ATF7IP2: variants seen among roughly 807,000 people sequenced by gnomAD.
The protein encoded by ATF7IP2 is activating transcription factor 7 interacting protein 2, also known as activating transcription factor 7-interacting protein 2.
In ATF7IP2, 42 loss-of-function variants were observed where a neutral mutation model predicts 64.2. That is an observed-to-expected ratio of 0.65 (90% confidence interval 0.51 to 0.85). The LOEUF (loss-of-function observed/expected upper bound fraction) is 0.85. Ranked by LOEUF, ATF7IP2 falls within the 40% of genes least tolerant of loss-of-function variation. ATF7IP2 has a pLI of 0.00. For missense variants in ATF7IP2, 933 were observed against 784.2 expected, an observed-to-expected ratio of 1.19 and a Z score of -2.27; for synonymous variants, 308 against 272.8, an observed-to-expected ratio of 1.13 and a Z score of -1.27.
At chr16:10,481,089 A>C in intron 13 of ATF7IP2, 125 bp downstream of exon 13, 1 of 674,298 alleles carries the variant, frequency 1.5e-6, no homozygotes, top group Non-Finnish European at 2.6e-6. Context: ...TGCTGTTGTT[A>C]ATCTACTTAT....
At chr16:10,470,730 A>G (rs1043737337) in intron 9 of ATF7IP2, among the ~76,000 whole-genome samples, 1 of 151,948 alleles carries the variant, frequency 6.6e-6, no homozygotes, top group Non-Finnish European at 1.5e-5. Context: ...CTTCAGCAAG[A>G]TACATTTGCA....
At chr16:10,443,789 G>C (rs1314334754) in intron 8 of ATF7IP2, among the ~76,000 whole-genome samples, 1 of 152,152 alleles carries the variant, frequency 6.6e-6, no homozygotes, top group African/African-American at 2.4e-5. Flanking sequence ...CATAGAGACA[G>C]CCTAAGGTGG....
chr16:10,481,829 T>A lies in ATF7IP2; in HGVS notation c.1636-7T>A. ...AAAGCTATATTTTCTTACAATTGTG[T>A]TTTTAGGTTCCTGAGTCCTTTGAGC... On this transcript the variant is annotated splice_region_variant and splice_polypyrimidine_tract_variant and intron_variant, in intron 13 of 13. Transcript: ENST00000562102. 1 of 1,558,432 alleles carries A rather than the reference T, an allele frequency of 6.4e-7. No individual in the cohort carries two copies. Among genetic ancestry groups the A allele is most frequent in the Non-Finnish European group, 8.6e-7 (1 of 1,158,554 alleles).
intron 12 of ATF7IP2, among the ~76,000 whole-genome samples, chr16:10,474,961 G>A (rs2142083709): frequency 6.6e-6 from 1 of 152,246 alleles, no homozygotes; most frequent in East Asian, 1.9e-4. Flanking sequence ...GCAGGAGGAT[G>A]GCTTGAGGCC....
At chr16:10,410,747 C>T (rs915084938) in intron 1 of ATF7IP2, among the ~76,000 whole-genome samples, 1 of 152,138 alleles carries the variant, frequency 6.6e-6, no homozygotes, top group Admixed American at 6.5e-5. Context: ...CTTTAATTGC[C>T]ATGTCAATCT....
intron 9 of ATF7IP2, among the ~76,000 whole-genome samples, chr16:10,459,815 G>A (rs4780915): frequency 0.55 from 83,013 of 151,870 alleles, 22,772 homozygotes; most frequent in East Asian, 0.69. Flanking sequence ...ATTATCTACA[G>A]AATCCCTAAG....
chr16:10,388,146 C>T (rs191835818), intron 1 of ATF7IP2, among the ~76,000 whole-genome samples: 1 of 152,328 alleles, frequency 6.6e-6, no homozygotes, highest in African/African-American at 2.4e-5. Flanking sequence ...CCGCCTCTGC[C>T]TCCCAAAGTG....
chr16:10,466,185 G>A (rs1260940412), intron 9 of ATF7IP2, among the ~76,000 whole-genome samples: 1 of 152,120 alleles, frequency 6.6e-6, no homozygotes, highest in East Asian at 1.9e-4. Flanking sequence ...TTGCTATTCA[G>A]CAGTTTATTC....
intron 9 of ATF7IP2, among the ~76,000 whole-genome samples, chr16:10,462,181 T>A (rs994649926): frequency 4.6e-5 from 7 of 152,152 alleles, no homozygotes; most frequent in Admixed American, 3.9e-4. Context: ...CTTTGTTTAC[T>A]GTTTTCCCCA....
intron 12 of ATF7IP2, among the ~76,000 whole-genome samples, chr16:10,475,494 A>G (rs1445435597): frequency 6.6e-6 from 1 of 152,130 alleles, no homozygotes; most frequent in Non-Finnish European, 1.5e-5. Flanking sequence ...GATCAAGACT[A>G]TCCTGGCTAA....
intron 13 of ATF7IP2, 34 bp from the exon 14 acceptor site, chr16:10,481,802 T>C: frequency 6.6e-7 from 1 of 1,524,622 alleles, no homozygotes; most frequent in Non-Finnish European, 8.8e-7. Context: ...TTGACCACTT[T>C]AAAAGCTATA....
At chr16:10,452,652 C>T (rs530982954) in intron 8 of ATF7IP2, among the ~76,000 whole-genome samples, 98 of 152,334 alleles carry the variant, frequency 6.4e-4, no homozygotes, top group Middle Eastern at 3.4e-3. Context: ...ATCCACTGAT[C>T]TGCTGCTCTC....
intron 3 of ATF7IP2, among the ~76,000 whole-genome samples, chr16:10,424,367 T>G (rs970791941): frequency 2.0e-5 from 3 of 152,184 alleles, no homozygotes; most frequent in Non-Finnish European, 2.9e-5. Flanking sequence ...AAGCAAAACT[T>G]AACTGAAAAT....
intron 9 of ATF7IP2, among the ~76,000 whole-genome samples, chr16:10,463,128 T>C (rs1202599625): frequency 1.3e-5 from 2 of 152,206 alleles, no homozygotes; most frequent in South Asian, 4.1e-4. Context: ...TGAACTCTAT[T>C]TGTGTTTGCT....
At chr16:10,443,801 C>T (rs559007095) in intron 8 of ATF7IP2, among the ~76,000 whole-genome samples, 14 of 152,094 alleles carry the variant, frequency 9.2e-5, no homozygotes, top group African/African-American at 3.4e-4. Context: ...CTAAGGTGGG[C>T]TTAGGGTCAA....
At chr16:10,463,781 C>T (rs563776336) in intron 9 of ATF7IP2, among the ~76,000 whole-genome samples, 2 of 152,166 alleles carry the variant, frequency 1.3e-5, no homozygotes, top group African/African-American at 2.4e-5. Context: ...AATAGAGATA[C>T]AATACAATAT....
intron 1 of ATF7IP2, among the ~76,000 whole-genome samples, chr16:10,399,586 G>C (rs2047487890): frequency 6.6e-6 from 1 of 152,258 alleles, no homozygotes; most frequent in African/African-American, 2.4e-5. Flanking sequence ...ATTACCATCA[G>C]CTTTGTGTTA....
At chr16:10,405,125 G>T (rs536858018) in intron 1 of ATF7IP2, among the ~76,000 whole-genome samples, 129 of 152,100 alleles carry the variant, frequency 8.5e-4, no homozygotes, top group Middle Eastern at 3.4e-3. Context: ...CACTTTGGGA[G>T]GCTGAGATGG....
intron 3 of ATF7IP2, among the ~76,000 whole-genome samples, chr16:10,421,165 A>G (rs1445912547): frequency 6.6e-6 from 1 of 152,312 alleles, no homozygotes; most frequent in African/African-American, 2.4e-5. Context: ...CTGATTTCCT[A>G]TCACAGTAGC....
Sources: allele counts gnomAD v4.1 joint callset (sites outside exome capture counted in the v4.1 genomes callset), GRCh38; gene constraint gnomAD v4.1.1; transcripts MANE v1.5; gene names NCBI Gene and HGNC (gene_info 2026-07-23, HGNC 2026-07-21).